ODAD4: variants seen among roughly 807,000 people sequenced by gnomAD.
ODAD4 encodes the protein outer dynein arm-docking complex subunit 4.
A neutral mutation model predicts 51.8 loss-of-function variants in ODAD4; 49 were observed. That is an observed-to-expected ratio of 0.95 (90% CI 0.75 to 1.20). The LOEUF is 1.20. ODAD4 is among the 50% of genes most tolerant of loss of function. ODAD4 has a pLI of 0.00. For missense variants in ODAD4, 590 were observed against 586.5 expected (o/e 1.01, Z -0.06); for synonymous variants, 235 against 221.3 (o/e 1.06, Z -0.55).
At chr17:41,950,930 G>A (rs1352958247) in intron 9 of ODAD4, among the ~76,000 whole-genome samples, 2 of 150,660 alleles carry the variant, frequency 1.3e-5, no homozygotes, top group African/African-American at 4.9e-5. Context: ...GGCTGGTCTC[G>A]AACTTCTGAC....
chr17:41,951,379 G>A (rs889940132), intron 9 of ODAD4, among the ~76,000 whole-genome samples: 28 of 151,858 alleles, frequency 1.8e-4, no homozygotes, highest in Admixed American at 3.9e-4. Flanking sequence ...CACTGTGCCC[G>A]GCCTCAACTC....
At chr17:41,964,913 G>T in intron 11 of ODAD4, 80 bp from the exon 12 acceptor site, 1 of 624,974 alleles carries the variant, frequency 1.6e-6, no homozygotes, top group South Asian at 2.0e-5. Context: ...AAAGTGCTGA[G>T]ATTACAGGCG....
intron 7 of ODAD4, among the ~76,000 whole-genome samples, chr17:41,943,700 C>G (rs527766455): frequency 1.1e-4 from 17 of 152,288 alleles, no homozygotes; most frequent in African/African-American, 4.1e-4. Context: ...GATATGATGG[C>G]TTAGCTTGGG....
At chr17:41,951,029 G>A (rs2050644181) in intron 9 of ODAD4, among the ~76,000 whole-genome samples, 2 of 150,782 alleles carry the variant, frequency 1.3e-5, no homozygotes, top group Admixed American at 1.3e-4. Context: ...ACCTTTCAGA[G>A]TGATGGAAAT....
At chr17:41,959,328 G>C (rs759424173) in intron 10 of ODAD4, among the ~76,000 whole-genome samples, 10 of 152,238 alleles carry the variant, frequency 6.6e-5, no homozygotes, top group Non-Finnish European at 1.5e-4. Flanking sequence ...GAGCACCACT[G>C]GCACGCAGCT....
At chr17:41,961,872 G>A (rs1321521087) in intron 11 of ODAD4, among the ~76,000 whole-genome samples, 1 of 152,202 alleles carries the variant, frequency 6.6e-6, no homozygotes. Flanking sequence ...ACACCGAGGT[G>A]GAGGTGTGCT....
intron 10 of ODAD4, among the ~76,000 whole-genome samples, chr17:41,958,800 G>A (rs1197593018): frequency 2.6e-5 from 4 of 151,720 alleles, no homozygotes; most frequent in Non-Finnish European, 5.9e-5. Context: ...CGAGGCGGGT[G>A]GATCACGAGG....
chr17:41,936,638 G>A (rs137880354), intron 4 of ODAD4, 104 bp downstream of exon 4: 73 of 1,514,702 alleles, frequency 4.8e-5, no homozygotes, highest in East Asian at 3.0e-4. Flanking sequence ...GGCATACTCC[G>A]TGACTCTTGG....
Position 41,945,240 on chromosome 17 carries a change from G to T in ODAD4, c.1145+18G>T. ...ATTGACACGTGAGTGACCAAGAATT[G>T]CCTCTTCCCCACCTCCATGGTTAGA... On this transcript the variant is annotated intron_variant, in intron 8 of 11. Transcript: ENST00000377540. 1 of 1,595,038 alleles carries T rather than the reference G, an allele frequency of 6.3e-7. No individual in the cohort carries two copies. The highest frequency in any genetic ancestry group is 8.6e-7 in the Non-Finnish European group (1 of 1,165,942).
chr17:41,932,672 G>A (rs1345308734), intron 1 of ODAD4, among the ~76,000 whole-genome samples: 1 of 151,242 alleles, frequency 6.6e-6, no homozygotes, highest in Non-Finnish European at 1.5e-5. Context: ...AGTGTTCCAA[G>A]TAGCTGGAGC....
intron 9 of ODAD4, among the ~76,000 whole-genome samples, chr17:41,954,096 C>T (rs2050695722): frequency 6.6e-6 from 1 of 152,068 alleles, no homozygotes; most frequent in African/African-American, 2.4e-5. Context: ...AGCAATTCTT[C>T]TGCCTCAGCC....
chr17:41,945,079 A>T, intron 7 of ODAD4, 57 bp from the exon 8 acceptor site: 8 of 1,405,150 alleles, frequency 5.7e-6, no homozygotes. Context: ...TCCTATTTCC[A>T]CAGTGCCTAG....
chr17:41,938,045 C>T (rs1288225366), intron 5 of ODAD4, among the ~76,000 whole-genome samples: 1 of 152,200 alleles, frequency 6.6e-6, no homozygotes, highest in Non-Finnish European at 1.5e-5. Flanking sequence ...GGACCCGCTG[C>T]GGAGGGAAGA....
rs144341636 is a variant in ODAD4 at position 41,954,727 on chromosome 17, G to T, written c.1343-490G>T. 1.3e-3 allele frequency among the ~76,000 whole-genome samples: 203 copies of T among 151,700 alleles called. 1 individual carries two copies. The highest frequency in any genetic ancestry group is 4.7e-3 in the African/African-American group (194 of 41,338). On this transcript the variant is annotated intron_variant, in intron 9 of 11. Transcript: ENST00000377540. ...TAGCCAGGTGTGGTGTCATGTGCCT[G>T]TAATCCCAGCTTCTCAGGAGGCTGA...
At chr17:41,951,617 C>T (rs2050653339) in intron 9 of ODAD4, among the ~76,000 whole-genome samples, 1 of 151,600 alleles carries the variant, frequency 6.6e-6, no homozygotes, top group African/African-American at 2.4e-5. Context: ...GGCACGGTGG[C>T]TCACGCATGT....
At chr17:41,940,616 T>A (rs1349266038) in intron 7 of ODAD4, among the ~76,000 whole-genome samples, 1 of 152,242 alleles carries the variant, frequency 6.6e-6, no homozygotes, top group African/African-American at 2.4e-5. Flanking sequence ...TAACTGGCTC[T>A]GCCACTTAGA....
intron 1 of ODAD4, among the ~76,000 whole-genome samples, chr17:41,934,153 TGCC>T (rs1481056254): frequency 1.4e-5 from 2 of 147,842 alleles, no homozygotes; most frequent in Admixed American, 1.4e-4. Flanking sequence ...GCGATTTTCT[TGCC>T]TTAGACTCCC....
rs2050887825 is a variant in ODAD4 at position 41,966,407 on chromosome 17, T to G, written c.*924T>G. ...TGCCAGCAAATTGCATGATAATATTTTAATCCAATGTGGTAAAAAAAAAAG... is the reference window on the plus strand; with the variant it reads ...TGCCAGCAAATTGCATGATAATATTGTAATCCAATGTGGTAAAAAAAAAAG... On this transcript the variant is annotated 3_prime_UTR_variant, in exon 12 of 12. Transcript: ENST00000377540. 6.6e-6 allele frequency among the ~76,000 whole-genome samples: 1 copy of G among 152,178 alleles called. No individual in the cohort carries two copies. Among genetic ancestry groups the G allele is most frequent in the East Asian group, 1.9e-4 (1 of 5,194 alleles).
chr17:41,933,828 G>A (rs1009690259), intron 1 of ODAD4, among the ~76,000 whole-genome samples: 3 of 151,622 alleles, frequency 2.0e-5, no homozygotes, highest in Non-Finnish European at 2.9e-5. Context: ...AAGAAAAAGG[G>A]GGGTGGGTAC....
Sources: gnomAD v4.1 joint callset for allele counts (sites outside exome capture counted in the v4.1 genomes callset) on GRCh38, gnomAD v4.1.1 for gene constraint, MANE v1.5 for transcripts, NCBI Gene and HGNC (gene_info 2026-07-23, HGNC 2026-07-21) for gene names.